The following MRTFA variants were observed in gnomAD, a reference collection of about 807,000 sequenced individuals.
The protein encoded by MRTFA is myocardin-related transcription factor A.
In MRTFA, 20 loss-of-function variants were observed where a neutral mutation model predicts 83.5. The ratio of observed to expected loss-of-function variants is 0.24; its 90% CI spans 0.17 to 0.35. The LOEUF (loss-of-function observed/expected upper bound fraction) is 0.35, where lower values mean the gene tolerates loss of function less well. Among genes scored for constraint, MRTFA ranks in the 10% least tolerant of loss-of-function variants. The pLI is 1.00. For synonymous variants in MRTFA, 659 were observed against 541.2 expected (o/e 1.22, Z -3.02); for missense variants, 1,200 against 1,224.7 (o/e 0.98, Z 0.30).
At position 40,410,653 on chromosome 22, in the gene MRTFA, G is replaced by A; in HGVS notation, c.*737C>T. The A allele has an allele frequency of 4.3e-6, 1 of 233,530 alleles. No individual in the cohort carries two copies. The highest frequency in any genetic ancestry group is 6.0e-5 in the East Asian group (1 of 16,558). The allele number at this position is 233,530 out of a possible 1,614,324, so 14.5% of individuals were successfully genotyped here. A position where few individuals can be genotyped will look rare whatever the true frequency, so the allele number is the denominator to read the frequency against. Reference sequence around the variant, plus strand: ...ACCTACATGTCAATCACACGTGATGGGTGGGCCTGGGTAGCTGCATGCCAG... The same window carrying A: ...ACCTACATGTCAATCACACGTGATGAGTGGGCCTGGGTAGCTGCATGCCAG... On this transcript the variant is annotated 3_prime_UTR_variant, in exon 15 of 15. Coordinates refer to ENST00000355630, the MANE Select transcript of MRTFA (RefSeq NM_020831.6).
intron 2 of MRTFA, chr22:40,587,352 A>C (rs890460923): frequency 2.4e-6 from 1 of 414,920 alleles, no homozygotes; most frequent in Admixed American, 3.0e-5. Flanking sequence ...ATGTTTCGGA[A>C]GGCTTTGACA....
chr22:40,579,891 T>C (rs375841292), intron 2 of MRTFA, among the ~76,000 whole-genome samples: 10 of 150,826 alleles, frequency 6.6e-5, no homozygotes, highest in African/African-American at 1.7e-4. Flanking sequence ...AATGCTGTTA[T>C]AGAAGGAAAC....
chr22:40,424,463 G>T, intron 7 of MRTFA, 82 bp from the exon 8 acceptor site: 1 of 1,449,942 alleles, frequency 6.9e-7, no homozygotes, highest in South Asian at 1.2e-5. Context: ...GCAGGCCACA[G>T]GCAGAGTGCC....
chr22:40,599,591 G>A (rs2056233734), intron 1 of MRTFA, among the ~76,000 whole-genome samples: 1 of 152,104 alleles, frequency 6.6e-6, no homozygotes, highest in South Asian at 2.1e-4. Flanking sequence ...TAGGGGAAGA[G>A]AATGCAAAGG....
chr22:40,527,388 T>C (rs1455623920), intron 3 of MRTFA, among the ~76,000 whole-genome samples: 1 of 152,118 alleles, frequency 6.6e-6, no homozygotes, highest in Non-Finnish European at 1.5e-5. Context: ...GTGGAGTTTT[T>C]TTTTTTTGTC....
intron 3 of MRTFA, among the ~76,000 whole-genome samples, chr22:40,493,640 G>A (rs1369332331): frequency 6.6e-6 from 1 of 152,192 alleles, no homozygotes; most frequent in Admixed American, 6.6e-5. Flanking sequence ...CTTGGCTACT[G>A]TCAGAATACA....
intron 1 of MRTFA, among the ~76,000 whole-genome samples, chr22:40,605,199 A>G (rs1481339798): frequency 6.6e-6 from 1 of 152,238 alleles, no homozygotes; most frequent in African/African-American, 2.4e-5. Context: ...ATACTAGACA[A>G]AAAAGATAAA....
intron 1 of MRTFA, among the ~76,000 whole-genome samples, chr22:40,623,819 G>A (rs1261198651): frequency 6.6e-6 from 1 of 152,136 alleles, no homozygotes; most frequent in African/African-American, 2.4e-5. Context: ...AGTACATACA[G>A]CTTCAAAAAG....
intron 2 of MRTFA, among the ~76,000 whole-genome samples, chr22:40,580,567 T>C (rs1473044068): frequency 2.6e-5 from 4 of 152,142 alleles, no homozygotes; most frequent in Non-Finnish European, 5.9e-5. Flanking sequence ...AACCCAAATA[T>C]AACAATTTAT....
rs1392573674 is a variant in MRTFA, at chr22:40,420,948, G to A, written c.1080C>T (p.Ala360=). 2.5e-6 allele frequency: 4 copies of A among 1,614,104 alleles called. No individual in the cohort carries two copies. The highest frequency in any genetic ancestry group is 1.7e-5 in the Admixed American group (1 of 60,008). Residue 360 remains alanine (A), a synonymous_variant, in exon 10 of 15, where the codon GCC becomes GCT. Transcript: ENST00000355630. ...AGAGCTGCTGCTGCTGCAGGATCTT[G>A]GCGTAGGATGAGTCCATGGGGGGTG... is the stretch of plus-strand genomic sequence containing the variant.
At position 40,420,901 on chromosome 22, in the gene MRTFA, T is replaced by C. The variant is rs1188986825; in HGVS notation, c.1127A>G (p.Asn376Ser). The change falls in exon 10 of 15, where the codon AAC (asparagine) becomes AGC (serine). Residue 376 changes from asparagine to serine, a missense_variant. Transcript: ENST00000355630. ...GTTGTGGTGCTGCTGCTGCTGCTGG[T>C]TGAGGATCTGCAGCTGGAGGAAGAG... The C allele has an allele frequency of 6.2e-7, 1 of 1,614,114 alleles. No homozygotes were observed. Among genetic ancestry groups the C allele is most frequent in the South Asian group, 1.1e-5 (1 of 91,082 alleles).
rs569152672 is a variant in MRTFA, at chr22:40,468,401, G to A, written c.242-5115C>T. ...AAGATAAAGTATAAATTATGAGGAAGTAGAAAAGAATAGGAAGGTGGGGTT... is the reference window on the plus strand; with the variant it reads ...AAGATAAAGTATAAATTATGAGGAAATAGAAAAGAATAGGAAGGTGGGGTT... On this transcript the variant is annotated intron_variant, in intron 3 of 14. Coordinates refer to ENST00000355630, the MANE Select transcript of MRTFA (RefSeq NM_020831.6). Among the ~76,000 whole-genome samples the A allele has an allele frequency of 7.8e-4, 118 of 152,198 alleles. 1 individual carries two copies. The Middle Eastern group carries it at 0.017, about 22-fold the overall frequency.
chr22:40,517,569 TA>T (rs2147252334), intron 3 of MRTFA, among the ~76,000 whole-genome samples: 1 of 152,268 alleles, frequency 6.6e-6, no homozygotes, highest in East Asian at 1.9e-4. Context: ...GAATAAGAGT[TA>T]ATATACGTAA....
intron 1 of MRTFA, among the ~76,000 whole-genome samples, chr22:40,625,580 C>A (rs2056573036): frequency 6.6e-6 from 1 of 152,096 alleles, no homozygotes; most frequent in Admixed American, 6.6e-5. Context: ...GAGTTTGAGA[C>A]CAGCCTGGCC....
chr22:40,551,284 A>T (rs1269093084), intron 3 of MRTFA, among the ~76,000 whole-genome samples: 1 of 152,202 alleles, frequency 6.6e-6, no homozygotes, highest in Non-Finnish European at 1.5e-5. Flanking sequence ...TAGGGGAATA[A>T]GAGAAGATGT....
In MRTFA at chr22:40,492,053, G is replaced by A. The variant is rs539282643; in HGVS notation, c.242-28767C>T. Among the ~76,000 whole-genome samples, 20 of 150,372 alleles carry A rather than the reference G, an allele frequency of 1.3e-4. No individual in the cohort carries two copies. In the East Asian group the frequency reaches 3.7e-3, roughly 28 times the overall value. ...TAATAGCTGTCCTTTCTCGGCTTCA[G>A]GACAATCCACGAGAGTGGCAGAATC... is the stretch of plus-strand genomic sequence containing the variant. On this transcript the variant is annotated intron_variant, in intron 3 of 14. Coordinates refer to ENST00000355630, the MANE Select transcript of MRTFA (RefSeq NM_020831.6).
intron 3 of MRTFA, among the ~76,000 whole-genome samples, chr22:40,533,012 A>G (rs979301492): frequency 6.6e-6 from 1 of 152,230 alleles, no homozygotes; most frequent in African/African-American, 2.4e-5. Context: ...CTGAATTGGA[A>G]AACTGTTTTT....
At chr22:40,599,364 T>C (rs1025147852) in intron 1 of MRTFA, among the ~76,000 whole-genome samples, 1 of 152,178 alleles carries the variant, frequency 6.6e-6, no homozygotes, top group Admixed American at 6.5e-5. Context: ...TTTGGCTCAA[T>C]ACATACGCAC....
At chr22:40,606,626 A>G (rs2056321485) in intron 1 of MRTFA, among the ~76,000 whole-genome samples, 1 of 152,212 alleles carries the variant, frequency 6.6e-6, no homozygotes, top group South Asian at 2.1e-4. Flanking sequence ...AACTAATAAT[A>G]GGTAAGTTTT....
Sources: gnomAD v4.1 joint callset for allele counts (sites outside exome capture counted in the v4.1 genomes callset) on GRCh38, gnomAD v4.1.1 for gene constraint, MANE v1.5 for transcripts, NCBI Gene and HGNC (gene_info 2026-07-23, HGNC 2026-07-21) for gene names.